Variants in MYOM1 observed in about 807,000 individuals in gnomAD.
MYOM1 encodes myomesin-1.
Under a neutral mutation model 205.3 loss-of-function variants are expected in MYOM1, and 164 were observed. The ratio of observed to expected loss-of-function variants is 0.80; its 90% confidence interval spans 0.70 to 0.91. The LOEUF (loss-of-function observed/expected upper bound fraction) is 0.91, where lower values mean the gene tolerates loss of function less well. Ranked by LOEUF, MYOM1 falls within the 40% of genes least tolerant of loss-of-function variation. MYOM1 has a pLI of 0.00. For missense variants in MYOM1, 2,011 were observed against 2,127.3 expected, an observed-to-expected ratio of 0.95 and a Z score of 1.08; for synonymous variants, 772 against 789.4, an observed-to-expected ratio of 0.98 and a Z score of 0.37.
intron 2 of MYOM1, 88 bp downstream of exon 2, chr18:3,214,846 G>C (rs757635047): frequency 1.2e-4 from 171 of 1,431,636 alleles, no homozygotes; most frequent in Non-Finnish European, 1.6e-4. Flanking sequence ...AAACCGAACC[G>C]AAACAAAGCG....
chr18:3,070,771 T>TGTGTGTGTGTGC (rs1555613460), intron 37 of MYOM1, among the ~76,000 whole-genome samples: 1 of 147,042 alleles, frequency 6.8e-6, no homozygotes, highest in Non-Finnish European at 1.5e-5. Context: ...TGTGTGTGTG[T>TGTGTGTGTGTGC]GTGCACGTGT....
chr18:3,236,069 T>C, the MYOM1 span, among the ~76,000 whole-genome samples: 668 of 152,304 alleles, frequency 4.4e-3, 9 homozygotes, highest in African/African-American at 0.015. Flanking sequence ...ACCTGAGTTA[T>C]TGGGCCTTGC....
rs1212581415 is a variant in MYOM1, at chr18:3,151,877, C to G, written c.1660G>C (p.Asp554His). 53 of 1,612,390 alleles carry G rather than the reference C, an allele frequency of 3.3e-5. No individual in the cohort carries two copies. The highest frequency in any genetic ancestry group is 4.2e-5 in the Non-Finnish European group (50 of 1,178,962). Residue 554 changes from aspartate (D) to histidine (H), a missense_variant, in exon 12 of 38, where the codon GAT becomes CAT. Asp to His is a moderately conservative substitution (Grantham distance 81). Coordinates refer to ENST00000356443, the MANE Select transcript of MYOM1 (RefSeq NM_003803.4). ...YFIDKCEVGT[D>H]SWSQCNDTPV... ...GTGTCATTGCACTGCGACCAGCTAT[C>G]TGTGCCCACCTCACACCTAAAGGAA...
At chr18:3,082,830 A>C (rs2079100022) in intron 33 of MYOM1, among the ~76,000 whole-genome samples, 1 of 152,224 alleles carries the variant, frequency 6.6e-6, no homozygotes, top group African/African-American at 2.4e-5. Context: ...ACAGAGGTTC[A>C]AACTCACCTT....
intron 19 of MYOM1, among the ~76,000 whole-genome samples, chr18:3,122,206 T>C (rs1176491058): frequency 6.6e-6 from 1 of 150,924 alleles, no homozygotes; most frequent in East Asian, 1.9e-4. Context: ...AAGTAATCAG[T>C]AATAGCAAAC....
the MYOM1 span, among the ~76,000 whole-genome samples, chr18:3,226,058 G>A: frequency 1.3e-5 from 2 of 152,146 alleles, no homozygotes; most frequent in Non-Finnish European, 1.5e-5. This position sits in a 1 kb window ranked among gnomAD's most constrained non-coding sequence, Gnocchi z 4.6. Context: ...AATGGCATTC[G>A]CAACTAGAAC....
At chr18:3,168,299 CT>C (rs35689716) in intron 9 of MYOM1, among the ~76,000 whole-genome samples, 114,728 of 149,748 alleles carry the variant, frequency 0.77, 44,147 homozygotes, top group African/African-American at 0.87. Context: ...AATGAATATA[CT>C]TTTTTTTTTT....
intron 14 of MYOM1, among the ~76,000 whole-genome samples, chr18:3,139,867 T>C (rs1598714427): frequency 6.6e-6 from 1 of 152,192 alleles, no homozygotes; most frequent in East Asian, 1.9e-4. Context: ...CACAGAGAAA[T>C]TAGAGTTTAT....
chr18:3,119,056 TTTTTA>T (rs994230301), intron 20 of MYOM1, among the ~76,000 whole-genome samples: 5 of 152,150 alleles, frequency 3.3e-5, no homozygotes, highest in South Asian at 2.1e-4. Flanking sequence ...TTGCATTCAA[TTTTTA>T]TTTTATTTTA....
At position 3,129,217 on chromosome 18, in the gene MYOM1, T is replaced by C. The variant is rs771336794; in HGVS notation, c.2794+15A>G. The C allele has an allele frequency of 1.2e-6, 2 of 1,609,422 alleles. No homozygotes were observed. The highest frequency in any genetic ancestry group is 8.5e-7 in the Non-Finnish European group (1 of 1,177,602). ...ATGGAGACGGATGGAACAGCTTCCC[T>C]TTCTCAACTCTCACCTCTGTCTGTC... On this transcript the variant is annotated intron_variant, in intron 18 of 37. Coordinates refer to ENST00000356443, the MANE Select transcript of MYOM1 (RefSeq NM_003803.4).
chr18:3,222,345 G>A (rs941528007), upstream of MYOM1, among the ~76,000 whole-genome samples: 2 of 152,212 alleles, frequency 1.3e-5, no homozygotes, highest in Non-Finnish European at 2.9e-5. Flanking sequence ...TCTAGATGAT[G>A]CCACAGCAGA....
At chr18:3,201,738 G>T (rs2081071704) in intron 2 of MYOM1, among the ~76,000 whole-genome samples, 1 of 151,196 alleles carries the variant, frequency 6.6e-6, no homozygotes, top group Admixed American at 6.6e-5. Context: ...CGATCTCCCG[G>T]GCTCAAGCCA....
intron 22 of MYOM1, among the ~76,000 whole-genome samples, chr18:3,105,407 C>T (rs1412327405): frequency 2.0e-5 from 3 of 152,056 alleles, no homozygotes; most frequent in South Asian, 2.1e-4. Flanking sequence ...TATTTTAAAA[C>T]GATTTTCATC....
At chr18:3,186,836 AG>A (rs1367201385) in intron 5 of MYOM1, among the ~76,000 whole-genome samples, 2 of 151,104 alleles carry the variant, frequency 1.3e-5, no homozygotes, top group African/African-American at 2.4e-5. Context: ...GAAAGAAAGA[AG>A]AGAAAAGAAA....
chr18:3,126,766 T>G lies in MYOM1; in HGVS notation c.2926A>C (p.Ile976Leu), dbSNP rs1321378484. 25 of 1,613,812 alleles carry G rather than the reference T, an allele frequency of 1.5e-5. No homozygotes were observed. The highest frequency in any genetic ancestry group is 2.1e-5 in the Non-Finnish European group (25 of 1,179,856). ...TGYYVNYREVIDGVPGKWREA... is the reference protein window; with the variant it reads ...TGYYVNYREVLDGVPGKWREA... ...CTCCATTTTCCTGGTACCCCATCAA[T>G]GACCTCGCGATAGTTCACATAATAG... Residue 976 changes from isoleucine (I) to leucine (L), a missense_variant, in exon 19 of 38, where the codon ATT (isoleucine) becomes CTT (leucine). By Grantham distance (5) the Ile-to-Leu change is conservative (BLOSUM62 2). Transcript: ENST00000356443.
At chr18:3,094,353 A>G (rs1486982525) in intron 25 of MYOM1, 47 bp from the exon 26 acceptor site, 34 of 1,298,742 alleles carry the variant, frequency 2.6e-5, no homozygotes, top group Non-Finnish European at 3.6e-5. Context: ...GTAACCAATT[A>G]TATTGGTACT....
At chr18:3,083,033 T>C (rs964649644) in intron 33 of MYOM1, among the ~76,000 whole-genome samples, 1 of 152,210 alleles carries the variant, frequency 6.6e-6, no homozygotes, top group African/African-American at 2.4e-5. Context: ...TTCATTTCTG[T>C]TCCAGACCAC....
At chr18:3,137,768 T>C (rs1385387432) in intron 14 of MYOM1, among the ~76,000 whole-genome samples, 5 of 152,168 alleles carry the variant, frequency 3.3e-5, no homozygotes, top group Non-Finnish European at 7.4e-5. Flanking sequence ...ACTATAGTTA[T>C]CAGTAATTTA....
At chr18:3,159,588 C>T (rs190510792) in intron 10 of MYOM1, among the ~76,000 whole-genome samples, 2 of 152,222 alleles carry the variant, frequency 1.3e-5, no homozygotes, top group East Asian at 1.9e-4. Context: ...TGAAAACAAT[C>T]GCACTGTCCA....
Sources: gnomAD v4.1 joint callset for allele counts (sites outside exome capture counted in the v4.1 genomes callset) on GRCh38, gnomAD v4.1.1 for gene constraint, Gnocchi (gnomAD v3.1) non-coding constraint, MANE v1.5 for transcripts, NCBI Gene and HGNC (gene_info 2026-07-23, HGNC 2026-07-21) for gene names.